MIA2: variants seen among roughly 807,000 people sequenced by gnomAD.
MIA2 encodes the protein melanoma inhibitory activity protein 2.
In MIA2, 127 loss-of-function variants were observed where a neutral mutation model predicts 167.8. The ratio of observed to expected loss-of-function variants is 0.76; its 90% CI spans 0.66 to 0.88. MIA2 has a LOEUF of 0.88. Ranked by LOEUF, MIA2 falls within the 40% of genes least tolerant of loss-of-function variation. The pLI is 0.00. For missense variants in MIA2, 1,690 were observed against 1,624.7 expected (o/e 1.04, Z -0.69); for synonymous variants, 552 against 541.9 (o/e 1.02, Z -0.26).
chr14:39,302,030 G>A, intron 14 of MIA2, 99 bp from the exon 15 acceptor site: 11 of 1,322,430 alleles, frequency 8.3e-6, no homozygotes, highest in Non-Finnish European at 1.1e-5. Flanking sequence ...TGTTATTTAT[G>A]TGGACTGATT....
intron 25 of MIA2, among the ~76,000 whole-genome samples, chr14:39,339,647 T>C (rs1302516651): frequency 6.6e-6 from 1 of 152,168 alleles, no homozygotes. Context: ...AATGTAATAC[T>C]GAAACAGATC....
intron 23 of MIA2, among the ~76,000 whole-genome samples, chr14:39,379,907 T>G (rs1159221788): frequency 6.6e-6 from 1 of 151,504 alleles, no homozygotes; most frequent in Admixed American, 6.6e-5. Flanking sequence ...TATCTCAGTT[T>G]TCCTAAGGCA....
At chr14:39,354,678 G>T (rs1398220367), downstream of MIA2, among the ~76,000 whole-genome samples, 1 of 152,084 alleles carries the variant, frequency 6.6e-6, no homozygotes. Flanking sequence ...TTCTTCTAGG[G>T]TTTTTATGGT....
At position 39,350,018 on chromosome 14, in the gene MIA2, G is replaced by C. The variant is rs143069192; in HGVS notation, c.4073-80G>C. The stretch of plus-strand genomic sequence containing the variant: ...TCAAATAAAAGAATAGGTAATGGAA[G>C]TTATAAACTTAATGATTTATTAGGG... On this transcript the variant is annotated intron_variant, in intron 28 of 28. Coordinates refer to ENST00000640607, the MANE Select transcript of MIA2 (RefSeq NM_001329214.4). 60 of 565,496 alleles carry C rather than the reference G, an allele frequency of 1.1e-4. No homozygotes were observed. The East Asian group carries it at 1.5e-3, about 14-fold the overall frequency. The allele number at this position is 565,496 out of a possible 1,614,324, so 35.0% of individuals were successfully genotyped here. A position where few individuals can be genotyped will look rare whatever the true frequency, so the allele number is the denominator to read the frequency against.
chr14:39,365,455 C>T (rs2074799696), intron 23 of MIA2, among the ~76,000 whole-genome samples: 1 of 152,204 alleles, frequency 6.6e-6, no homozygotes, highest in South Asian at 2.1e-4. Flanking sequence ...CTGTACATCA[C>T]ATAGGCTTTG....
At chr14:39,305,702 A>G (rs1595385943) in intron 17 of MIA2, among the ~76,000 whole-genome samples, 1 of 152,324 alleles carries the variant, frequency 6.6e-6, no homozygotes, top group East Asian at 1.9e-4. Context: ...TTGGGAGGCC[A>G]ACGTGGGTGG....
chr14:39,341,844 A>T (rs897095904), intron 25 of MIA2, among the ~76,000 whole-genome samples: 2 of 151,882 alleles, frequency 1.3e-5, no homozygotes, highest in Admixed American at 1.3e-4. Context: ...AGCTTAATTT[A>T]TCATCAGATA....
At chr14:39,365,644 A>G (rs1220600794) in intron 23 of MIA2, among the ~76,000 whole-genome samples, 1 of 141,806 alleles carries the variant, frequency 7.1e-6, no homozygotes, top group Non-Finnish European at 1.5e-5. Context: ...TGGGTTTTTA[A>G]AAATACCTAT....
At chr14:39,265,520 G>C in intron 6 of MIA2, 1 of 880,628 alleles carries the variant, frequency 1.1e-6, no homozygotes, top group African/African-American at 1.7e-5. Flanking sequence ...GGGGGAACTT[G>C]GATTTTTCTT....
intron 25 of MIA2, among the ~76,000 whole-genome samples, chr14:39,331,824 G>T (rs1281339597): frequency 1.3e-5 from 2 of 152,212 alleles, no homozygotes; most frequent in Non-Finnish European, 2.9e-5. Context: ...GAGATCCGCT[G>T]TTAGTCTGAT....
At chr14:39,332,018 A>G (rs2069007436) in intron 25 of MIA2, among the ~76,000 whole-genome samples, 2 of 152,316 alleles carry the variant, frequency 1.3e-5, no homozygotes, top group African/African-American at 2.4e-5. Context: ...TCTCCTGGCT[A>G]ATATCCTGAA....
At chr14:39,244,368 T>C (rs2054195363) in intron 3 of MIA2, among the ~76,000 whole-genome samples, 1 of 152,106 alleles carries the variant, frequency 6.6e-6, no homozygotes, top group Non-Finnish European at 1.5e-5. Context: ...ATTTCAGGGG[T>C]ATTTCTGAGC....
chr14:39,351,087 GTGT>G (rs1245053331), downstream of MIA2: 1 of 152,026 alleles, frequency 6.6e-6, no homozygotes, highest in African/African-American at 2.4e-5. Flanking sequence ...AATATCTTTA[GTGT>G]TTCCCTAAAT....
At chr14:39,309,795 TTGA>T (rs2063909596) in intron 18 of MIA2, among the ~76,000 whole-genome samples, 1 of 152,216 alleles carries the variant, frequency 6.6e-6, no homozygotes, top group African/African-American at 2.4e-5. Context: ...TACATGTTTG[TTGA>T]ATATATGTAC....
At chr14:39,367,313 A>G (rs12433987) in intron 23 of MIA2, among the ~76,000 whole-genome samples, 11,195 of 152,238 alleles carry the variant, frequency 0.074, 509 homozygotes, top group South Asian at 0.17. Context: ...GTGCAGCTTC[A>G]GGGATGTGGA....
At chr14:39,288,432 CATATATATATATATAT>C (rs759995143) in intron 9 of MIA2, among the ~76,000 whole-genome samples, 1 of 52,896 alleles carries the variant, frequency 1.9e-5, no homozygotes, top group Admixed American at 3.1e-4. Flanking sequence ...ATATATTATA[CATATATATATATATAT>C]ATATATATAT....
At position 39,317,961 on chromosome 14, in the gene MIA2, T is replaced by C; in HGVS notation, c.3234T>C (p.Ala1078=). ...TCTTCAAGTTGGCAGCTCGGAATGC[T>C]GAAAGAAACCTCAATGATTTAAGGA... ...AHDNWLAARN[A]ERNLNDLRKE... The change falls in exon 22 of 29, where the codon GCT becomes GCC. Residue 1078 remains alanine, a synonymous_variant. Coordinates refer to ENST00000640607, the MANE Select transcript of MIA2 (RefSeq NM_001329214.4). 6.3e-7 allele frequency: 1 copy of C among 1,582,538 alleles called. No individual in the cohort carries two copies. The highest frequency in any genetic ancestry group is 8.6e-7 in the Non-Finnish European group (1 of 1,167,610).
At chr14:39,325,366 A>ATTTT (rs1203450043) in intron 24 of MIA2, among the ~76,000 whole-genome samples, 2 of 136,986 alleles carry the variant, frequency 1.5e-5, no homozygotes, top group Non-Finnish European at 1.6e-5. Context: ...TGAATGTTAA[A>ATTTT]TTTTTTTTTT....
At chr14:39,274,752 A>G (rs1272388577) in intron 6 of MIA2, among the ~76,000 whole-genome samples, 4 of 150,474 alleles carry the variant, frequency 2.7e-5, no homozygotes, top group Non-Finnish European at 4.4e-5. Flanking sequence ...GCTTTTCTCC[A>G]GTCTGCCAGA....
Sources: allele counts gnomAD v4.1 joint callset (sites outside exome capture counted in the v4.1 genomes callset), GRCh38; gene constraint gnomAD v4.1.1; transcripts MANE v1.5; gene names NCBI Gene and HGNC (gene_info 2026-07-23, HGNC 2026-07-21).